The following DLGAP2 variants were observed in gnomAD, a reference collection of about 807,000 sequenced individuals.
DLGAP2 encodes DLG associated protein 2, also known as disks large-associated protein 2.
A neutral mutation model predicts 100.3 loss-of-function variants in DLGAP2; 26 were observed. The observed-to-expected ratio is 0.26, with a 90% CI of 0.19 to 0.36. The LOEUF (loss-of-function observed/expected upper bound fraction) is 0.36, where lower values mean the gene tolerates loss of function less well. Ranked by LOEUF, DLGAP2 falls within the 10% of genes least tolerant of loss-of-function variation. DLGAP2 has a pLI of 1.00. For missense variants in DLGAP2, 1,858 were observed against 1,453.2 expected, an observed-to-expected ratio of 1.28 and a Z score of -4.53; for synonymous variants, 886 against 630.1, an observed-to-expected ratio of 1.41 and a Z score of -6.08.
intron 2 of DLGAP2, among the ~76,000 whole-genome samples, chr8:1,112,112 GTGA>G (rs1371565083): frequency 6.6e-6 from 1 of 151,964 alleles, no homozygotes; most frequent in East Asian, 1.9e-4. Flanking sequence ...TGACTGGTGT[GTGA>G]TGATATCTCA....
chr8:1,297,271 C>G (rs896270154), intron 3 of DLGAP2: 3 of 152,262 alleles, frequency 2.0e-5, no homozygotes, highest in Non-Finnish European at 2.9e-5. Context: ...AATCTTAACA[C>G]ATGTAAACGT....
At chr8:1,184,960 G>C (rs118182026) in intron 2 of DLGAP2, among the ~76,000 whole-genome samples, 1 of 152,194 alleles carries the variant, frequency 6.6e-6, no homozygotes, top group African/African-American at 2.4e-5. Flanking sequence ...TTCAGACCCA[G>C]GTTTGCTAGG....
chr8:888,975 A>T (rs1797980453), intron 1 of DLGAP2, among the ~76,000 whole-genome samples: 1 of 151,834 alleles, frequency 6.6e-6, no homozygotes, highest in African/African-American at 2.4e-5. Flanking sequence ...CCGAAAAGAG[A>T]GTCATTGAAG....
chr8:1,377,549 A>C (rs1319612098), intron 3 of DLGAP2, among the ~76,000 whole-genome samples: 4 of 152,168 alleles, frequency 2.6e-5, no homozygotes, highest in Non-Finnish European at 5.9e-5. Context: ...GACTCAAAAA[A>C]ATAAATAAAA....
At chr8:1,305,913 C>G (rs909617916) in intron 3 of DLGAP2, among the ~76,000 whole-genome samples, 2 of 152,120 alleles carry the variant, frequency 1.3e-5, no homozygotes, top group African/African-American at 4.8e-5. Context: ...GGATTATTTT[C>G]TTAATTTCCT....
chr8:1,181,515 G>C (rs549872458), intron 2 of DLGAP2, among the ~76,000 whole-genome samples: 1 of 152,098 alleles, frequency 6.6e-6, no homozygotes, highest in South Asian at 2.1e-4. Flanking sequence ...GGCACCGAGA[G>C]GGACAACATA....
chr8:1,507,895 A>G (rs546220903), intron 4 of DLGAP2, among the ~76,000 whole-genome samples: 1 of 139,562 alleles, frequency 7.2e-6, no homozygotes, highest in Non-Finnish European at 1.5e-5. Context: ...ACCTTCCTGC[A>G]CTGCCCAATG....
intron 6 of DLGAP2, among the ~76,000 whole-genome samples, chr8:1,576,486 G>A (rs1013507591): frequency 1.3e-5 from 2 of 152,150 alleles, no homozygotes; most frequent in African/African-American, 2.4e-5. Flanking sequence ...GATCCCATTT[G>A]TCAATTTTTG....
rs1801665357 is a variant in DLGAP2 at position 1,549,137 on chromosome 8, G to C, written c.684G>C (p.Arg228=). 1.3e-6 allele frequency: 2 copies of C among 1,591,730 alleles called. No homozygotes were observed. The highest frequency in any genetic ancestry group is 1.1e-5 in the South Asian group (1 of 88,564). ...AGCAGCGCAGCGAGAGCCCCGGGCG[G>C]ATCCGCCACCTGGTACACTCCGTGC... The part of the protein sequence containing the change: ...AAEQRSESPG[R]IRHLVHSVQK... The change falls in exon 5 of 15, where the codon CGG becomes CGC. Residue 228 remains arginine, a synonymous_variant. Transcript: ENST00000637795.
At chr8:1,509,345 C>G (rs73172582) in intron 4 of DLGAP2, among the ~76,000 whole-genome samples, 2 of 51,138 alleles carry the variant, frequency 3.9e-5, no homozygotes, top group African/African-American at 9.1e-5. Flanking sequence ...AAAAAAAAAA[C>G]CGTATAGACT....
At chr8:996,098 A>G (rs1800776233) in intron 2 of DLGAP2, among the ~76,000 whole-genome samples, 5 of 152,098 alleles carry the variant, frequency 3.3e-5, no homozygotes, top group Admixed American at 3.3e-4. Flanking sequence ...AGTTCCTCAG[A>G]CCAGTATGCT....
chr8:1,032,308 C>T (rs1002709869), intron 2 of DLGAP2, among the ~76,000 whole-genome samples: 2 of 152,210 alleles, frequency 1.3e-5, no homozygotes, highest in African/African-American at 2.4e-5. Context: ...GTCACAGCTG[C>T]ACCCGCTCCA....
intron 2 of DLGAP2, among the ~76,000 whole-genome samples, chr8:976,946 A>G (rs983212014): frequency 6.6e-6 from 1 of 152,252 alleles, no homozygotes; most frequent in South Asian, 2.1e-4. Context: ...TTGAACTTGC[A>G]TTAAAGTTAA....
intron 2 of DLGAP2, among the ~76,000 whole-genome samples, chr8:1,007,026 C>G (rs1396698081): frequency 6.6e-6 from 1 of 152,102 alleles, no homozygotes; most frequent in Admixed American, 6.5e-5. Flanking sequence ...TGTCTGAAGT[C>G]TCGGGATGTG....
chr8:1,166,888 A>T (rs939118512), intron 2 of DLGAP2, among the ~76,000 whole-genome samples: 4 of 152,172 alleles, frequency 2.6e-5, no homozygotes, highest in Non-Finnish European at 5.9e-5. Flanking sequence ...TGAAAGAAAA[A>T]AACACTCCTA....
chr8:1,689,227 A>G (rs150219815), intron 12 of DLGAP2, among the ~76,000 whole-genome samples: 1 of 152,282 alleles, frequency 6.6e-6, no homozygotes, highest in East Asian at 1.9e-4. Context: ...GGCATCTCCT[A>G]AACGTAGAAA....
intron 1 of DLGAP2, among the ~76,000 whole-genome samples, chr8:746,705 T>A (rs1449404988): frequency 6.6e-6 from 1 of 152,224 alleles, no homozygotes; most frequent in Non-Finnish European, 1.5e-5. Flanking sequence ...ATCAGCATAC[T>A]TTTGGCTGCA....
intron 2 of DLGAP2, among the ~76,000 whole-genome samples, chr8:1,122,476 C>T (rs893331241): frequency 6.6e-6 from 1 of 152,186 alleles, no homozygotes. Context: ...AGAGAAAGAT[C>T]ACATTTTTGA....
chr8:1,358,850 C>T (rs1048971696), intron 3 of DLGAP2, among the ~76,000 whole-genome samples: 7 of 151,992 alleles, frequency 4.6e-5, no homozygotes, highest in African/African-American at 7.2e-5. Flanking sequence ...AGGAGCCCTG[C>T]GGCAGGGCGT....
Sources: allele counts gnomAD v4.1 joint callset (sites outside exome capture counted in the v4.1 genomes callset), GRCh38; gene constraint gnomAD v4.1.1; transcripts MANE v1.5; gene names NCBI Gene and HGNC (gene_info 2026-07-23, HGNC 2026-07-21).